Variants in MSANTD4 observed in about 807,000 individuals in gnomAD.
The protein encoded by MSANTD4 is myb/SANT-like DNA-binding domain-containing protein 4.
A neutral mutation model predicts 34.3 loss-of-function variants in MSANTD4; 13 were observed. The observed-to-expected ratio is 0.38, with a 90% CI of 0.25 to 0.60. The LOEUF (loss-of-function observed/expected upper bound fraction) is 0.60. Ranked by LOEUF, MSANTD4 falls within the 20% of genes least tolerant of loss-of-function variation. MSANTD4 has a pLI of 0.63. For missense variants in MSANTD4, 358 were observed against 401.8 expected (o/e 0.89, Z 0.93); for synonymous variants, 137 against 145.2 (o/e 0.94, Z 0.41).
In MSANTD4 at chr11:106,014,933, G is replaced by A. The variant is rs373643290; in HGVS notation, c.-150-3866C>T. On this transcript the variant is annotated intron_variant, in intron 1 of 2. Transcript: ENST00000301919. ...TCACATACCCACAAAAAAGGGCAACGTATGCAAAAACAAAAGAAAAGAAGA... is the reference window on the plus strand; with the variant it reads ...TCACATACCCACAAAAAAGGGCAACATATGCAAAAACAAAAGAAAAGAAGA... 7.3e-4 allele frequency among the ~76,000 whole-genome samples: 8 copies of A among 10,962 alleles called. No homozygotes were observed. The South Asian group carries it at 0.02, about 27-fold the overall frequency. The allele number at this position is 10,962 out of a possible 152,430, so 7.2% of individuals were successfully genotyped here.
chr11:106,016,118 A>G (rs1190176600), intron 1 of MSANTD4, among the ~76,000 whole-genome samples: 1 of 152,160 alleles, frequency 6.6e-6, no homozygotes, highest in Non-Finnish European at 1.5e-5. Flanking sequence ...TTAGCCTCCT[A>G]AAGTGCTAGG....
chr11:106,020,232 A>G (rs1296567340), intron 1 of MSANTD4, among the ~76,000 whole-genome samples: 1 of 152,244 alleles, frequency 6.6e-6, no homozygotes, highest in Non-Finnish European at 1.5e-5. Flanking sequence ...GTCTTATAAA[A>G]CAGACTAATG....
At chr11:106,014,622 G>A (rs1269291616) in intron 1 of MSANTD4, among the ~76,000 whole-genome samples, 1 of 152,162 alleles carries the variant, frequency 6.6e-6, no homozygotes, top group Non-Finnish European at 1.5e-5. Context: ...AGACTGAAAA[G>A]TGGATGCTAA....
chr11:106,012,316 C>A (rs1859720875), intron 1 of MSANTD4, among the ~76,000 whole-genome samples: 1 of 152,122 alleles, frequency 6.6e-6, no homozygotes, highest in Admixed American at 6.5e-5. Context: ...AACAAAAGCC[C>A]CTAACATCAA....
chr11:106,013,247 C>G (rs1331944721), intron 1 of MSANTD4, among the ~76,000 whole-genome samples: 1 of 152,160 alleles, frequency 6.6e-6, no homozygotes, highest in African/African-American at 2.4e-5. Context: ...TGCTACAGAG[C>G]TGACTTTTCC....
chr11:106,019,827 T>G (rs1565391881), intron 1 of MSANTD4, among the ~76,000 whole-genome samples: 1 of 152,214 alleles, frequency 6.6e-6, no homozygotes, highest in Non-Finnish European at 1.5e-5. Flanking sequence ...AACCTGAAGG[T>G]TGTGAATACA....
chr11:106,020,499 G>T (rs537667118), intron 1 of MSANTD4, among the ~76,000 whole-genome samples: 1 of 152,128 alleles, frequency 6.6e-6, no homozygotes, highest in Non-Finnish European at 1.5e-5. Flanking sequence ...TGAAGTTGTC[G>T]AGAGTCCAAA....
Position 106,008,395 on chromosome 11 carries a change from C to T in MSANTD4, c.*1140G>A, listed in dbSNP as rs1425919094. On this transcript the variant is annotated 3_prime_UTR_variant, in exon 3 of 3. Transcript: ENST00000301919. Reference sequence around the variant, plus strand: ...CTCTGAGCTTCACATTCAGAAATAACGACAGATACAACTCTCAAGAATTGT... The same window carrying T: ...CTCTGAGCTTCACATTCAGAAATAATGACAGATACAACTCTCAAGAATTGT... The T allele has an allele frequency of 2.0e-5, 3 of 152,144 alleles. No individual in the cohort carries two copies. The highest frequency in any genetic ancestry group is 4.4e-5 in the Non-Finnish European group (3 of 68,016). 9.4% of individuals were successfully genotyped at this position (152,144 alleles called of 1,614,324 possible).
chr11:106,016,997 T>C (rs1859870100), intron 1 of MSANTD4, among the ~76,000 whole-genome samples: 1 of 152,300 alleles, frequency 6.6e-6, no homozygotes, highest in Middle Eastern at 3.4e-3. Flanking sequence ...ACACAGAATG[T>C]TTCAGAGCAT....
rs912850688 is a variant in MSANTD4 at position 106,021,817 on chromosome 11, G to C, written c.-1006C>G. 5 of 152,228 alleles carry C rather than the reference G, an allele frequency of 3.3e-5. No homozygotes were observed. Among genetic ancestry groups the C allele is most frequent in the African/African-American group, 1.2e-4 (5 of 41,412 alleles). 9.4% of individuals were successfully genotyped at this position (152,228 alleles called of 1,614,324 possible). On this transcript the variant is annotated 5_prime_UTR_variant, in exon 1 of 3. Transcript: ENST00000301919. ...GACTGGGCTCCCGGAAGGCCACCCA[G>C]GGGAGCAGGGGCGCGCACCTGCCTC...
chr11:106,018,260 TTAG>T (rs1859916414), intron 1 of MSANTD4, among the ~76,000 whole-genome samples: 1 of 152,222 alleles, frequency 6.6e-6, no homozygotes, highest in Non-Finnish European at 1.5e-5. Context: ...TTCGCTGTCA[TTAG>T]AATACAATGT....
In MSANTD4 at chr11:106,009,233, G is replaced by T. The variant is rs149584042; in HGVS notation, c.*302C>A. 52 of 233,780 alleles carry T rather than the reference G, an allele frequency of 2.2e-4. No homozygotes were observed. The highest frequency in any genetic ancestry group is 9.0e-4 in the Admixed American group (18 of 20,050). The allele number at this position is 233,780 out of a possible 1,614,324, so 14.5% of individuals were successfully genotyped here. On this transcript the variant is annotated 3_prime_UTR_variant, in exon 3 of 3. Coordinates refer to ENST00000301919, the MANE Select transcript of MSANTD4 (RefSeq NM_032424.3). The stretch of plus-strand genomic sequence containing the variant: ...GAAGGCCAAAATCTACCCCAGATGA[G>T]AACTTCTGGGCTAGAATTTTATATG...
At position 106,015,645 on chromosome 11, in the gene MSANTD4, G is replaced by A. The variant is rs374754541; in HGVS notation, c.-150-4578C>T. Among the ~76,000 whole-genome samples the A allele has an allele frequency of 4.6e-5, 7 of 151,810 alleles. No individual in the cohort carries two copies. The South Asian group carries it at 6.2e-4, about 14-fold the overall frequency. On this transcript the variant is annotated intron_variant, in intron 1 of 2. Coordinates refer to ENST00000301919, the MANE Select transcript of MSANTD4 (RefSeq NM_032424.3). The stretch of plus-strand genomic sequence containing the variant: ...GCAACTCCACATTCAGCCATGTCAT[G>A]TTAGGAGCTAAAAATTGGCCAAGAC...
chr11:106,011,298 C>T (rs572356039), intron 1 of MSANTD4, among the ~76,000 whole-genome samples: 1 of 152,272 alleles, frequency 6.6e-6, no homozygotes, highest in Admixed American at 6.5e-5. Context: ...TCCTGACTCC[C>T]TTCCTACTAC....
Position 106,009,997 on chromosome 11 carries a change from TGTTGA to T in MSANTD4, c.571_575del (p.Ser191ThrfsTer3). ...GCTCATCATATGCAGATCTAGATGG[TGTTGA>T]GTTAAGGGTAAAAAACTCATCAATG... On this transcript the variant is annotated frameshift_variant, in exon 3 of 3. Transcript: ENST00000301919. LOFTEE classifies it high-confidence loss of function. 4.4e-6 allele frequency: 7 copies of T among 1,608,740 alleles called. No homozygotes were observed. The highest frequency in any genetic ancestry group is 5.9e-6 in the Non-Finnish European group (7 of 1,179,990).
chr11:106,010,921 C>A lies in MSANTD4; in HGVS notation c.-4G>T. On this transcript the variant is annotated 5_prime_UTR_variant, in exon 2 of 3. Transcript: ENST00000301919. The stretch of plus-strand genomic sequence containing the variant: ...TTTTTCTTTTCAACTGCTTCATTTT[C>A]AATTTCAATGCAGTTTTTATGGTAA... The A allele has an allele frequency of 6.3e-7, 1 of 1,581,464 alleles. No homozygotes were observed. The highest frequency in any genetic ancestry group is 1.2e-5 in the South Asian group (1 of 85,186).
At position 106,008,876 on chromosome 11, in the gene MSANTD4, T is replaced by C. The variant is rs551848315; in HGVS notation, c.*659A>G. ...AGAAGGCTATTTATAGATGGAAACA[T>C]GGGAATAAAATACCTATAATCTTCA... On this transcript the variant is annotated 3_prime_UTR_variant, in exon 3 of 3. Coordinates refer to ENST00000301919, the MANE Select transcript of MSANTD4 (RefSeq NM_032424.3). 6.6e-6 allele frequency: 1 copy of C among 152,326 alleles called. No individual in the cohort carries two copies. The highest frequency in any genetic ancestry group is 2.1e-4 in the South Asian group (1 of 4,828). 9.4% of individuals were successfully genotyped at this position (152,326 alleles called of 1,614,324 possible).
chr11:106,011,274 T>C (rs902607118), intron 1 of MSANTD4, among the ~76,000 whole-genome samples: 1 of 152,192 alleles, frequency 6.6e-6, no homozygotes, highest in Non-Finnish European at 1.5e-5. Flanking sequence ...TCCTAACCAG[T>C]TGCCACTATT....
At position 106,009,445 on chromosome 11, in the gene MSANTD4, C is replaced by T; in HGVS notation, c.*90G>A. The T allele has an allele frequency of 2.3e-6, 3 of 1,276,974 alleles. No individual in the cohort carries two copies. The highest frequency in any genetic ancestry group is 3.0e-5 in the South Asian group (2 of 66,974). 79.1% of individuals were successfully genotyped at this position (1,276,974 alleles called of 1,614,324 possible). ...CTGAACACTGACATTAGACAAGAAA[C>T]CACAGCTAATCCAGCAACCATCATT... On this transcript the variant is annotated 3_prime_UTR_variant, in exon 3 of 3. Coordinates refer to ENST00000301919, the MANE Select transcript of MSANTD4 (RefSeq NM_032424.3).
Sources: gnomAD v4.1 joint callset for allele counts (sites outside exome capture counted in the v4.1 genomes callset) on GRCh38, gnomAD v4.1.1 for gene constraint, MANE v1.5 for transcripts, NCBI Gene and HGNC (gene_info 2026-07-23, HGNC 2026-07-21) for gene names.